Variants in NOBOX observed in about 807,000 individuals in gnomAD.
NOBOX encodes the protein homeobox protein NOBOX.
Under a neutral mutation model 60.2 loss-of-function variants are expected in NOBOX, and 46 were observed. That is an observed-to-expected ratio of 0.76 (90% CI 0.60 to 0.98). The LOEUF (loss-of-function observed/expected upper bound fraction) is 0.98, where lower values mean the gene tolerates loss of function less well. NOBOX is among the 50% of genes least tolerant of loss of function. NOBOX has a pLI of 0.00. For missense variants in NOBOX, 880 were observed against 865.5 expected, an observed-to-expected ratio of 1.02 and a Z score of -0.21; for synonymous variants, 360 against 346.3, an observed-to-expected ratio of 1.04 and a Z score of -0.44.
chr7:144,400,084 G>C, intron 5 of NOBOX, 122 bp downstream of exon 3: 1 of 1,603,552 alleles, frequency 6.2e-7, no homozygotes. Context: ...ACACAGCCAC[G>C]TCTGAGGCCT....
chr7:144,399,484 T>C lies in NOBOX; in HGVS notation c.1155-2A>G. ...GCAGGTAGGATCTCAGCTGCAGAGC[T>C]GGAGGCAGGAAGAATGAAGACTGTA... On this transcript the variant is annotated splice_acceptor_variant, in intron 6 of 9. Coordinates refer to ENST00000467773, the MANE Select transcript of NOBOX (RefSeq NM_001080413.3). LOFTEE classifies it high-confidence loss of function. 1 of 1,571,798 alleles carries C rather than the reference T, an allele frequency of 6.4e-7. No homozygotes were observed. Among genetic ancestry groups the C allele is most frequent in the Non-Finnish European group, 8.6e-7 (1 of 1,157,822 alleles).
At chr7:144,403,588 C>A in intron 2 of NOBOX, 69 bp downstream of exon 1, 1 of 532,024 alleles carries the variant, frequency 1.9e-6, no homozygotes, top group South Asian at 1.6e-5. Flanking sequence ...ACCTGGTGAT[C>A]ACAGGCCTCC....
In NOBOX at chr7:144,399,873, GA is replaced by G. The variant is rs1349611559; in HGVS notation, c.1048-11del. On this transcript the variant is annotated splice_polypyrimidine_tract_variant and intron_variant, in intron 5 of 9. Coordinates refer to ENST00000467773, the MANE Select transcript of NOBOX (RefSeq NM_001080413.3). ...GATTCTGGAACCACACCTATGGGGGGAAAGGTGCTTGAAGAACTGGAGAAGA... is the reference window on the plus strand; with the variant it reads ...GATTCTGGAACCACACCTATGGGGGGAAGGTGCTTGAAGAACTGGAGAAGA... The G allele has an allele frequency of 1.2e-6, 2 of 1,600,994 alleles. No individual in the cohort carries two copies. Among genetic ancestry groups the G allele is most frequent in the African/African-American group, 1.3e-5 (1 of 74,744 alleles).
rs1162897098 is a variant in NOBOX at position 144,401,915 on chromosome 7, G to A, written c.246C>T (p.Ser82=). ...CAGACACCAGGGGTATGAGTTTGAG[G>A]GACTGTTCAGGTATCTCTAAGGGAT... Residue 82 remains serine, a synonymous_variant, in exon 3 of 10, where the codon TCC becomes TCT. Transcript: ENST00000467773. The surrounding 1 kb of genome is among the most constrained non-coding windows in gnomAD (Gnocchi z 4.2). 3 of 1,612,828 alleles carry A rather than the reference G, an allele frequency of 1.9e-6. No individual in the cohort carries two copies. The highest frequency in any genetic ancestry group is 2.5e-6 in the Non-Finnish European group (3 of 1,178,946).
intron 2 of NOBOX, 64 bp from the exon 1 acceptor site, chr7:144,403,757 C>A (rs542487109): frequency 5.2e-5 from 34 of 657,534 alleles, no homozygotes; most frequent in South Asian, 5.0e-4. Context: ...GAAGCCTCGC[C>A]GGGCGGGCAG....
chr7:144,396,969 GAAAC>G (rs1396391058), downstream of NOBOX, among the ~76,000 whole-genome samples: 2 of 152,100 alleles, frequency 1.3e-5, no homozygotes, highest in Non-Finnish European at 2.9e-5. Context: ...GCAAGGATAG[GAAAC>G]AAACAAAAAC....
intron 1 of NOBOX, among the ~76,000 whole-genome samples, chr7:144,408,275 C>A (rs2053999300): frequency 6.6e-6 from 1 of 151,112 alleles, no homozygotes; most frequent in Non-Finnish European, 1.5e-5. Flanking sequence ...CTTACTCATC[C>A]TCCAAAACCC....
chr7:144,402,703 T>C (rs2053950402), intron 2 of NOBOX, among the ~76,000 whole-genome samples: 1 of 152,056 alleles, frequency 6.6e-6, no homozygotes, highest in African/African-American at 2.4e-5. Flanking sequence ...TAAGAGCTAC[T>C]GTTACTTTAA....
intron 1 of NOBOX, chr7:144,410,078 A>G (rs2054011231): frequency 9.5e-7 from 1 of 1,057,714 alleles, no homozygotes. Flanking sequence ...TGGGAAGACA[A>G]CTCTGTCTTC....
intron 1 of NOBOX, among the ~76,000 whole-genome samples, chr7:144,405,957 TAG>T (rs2053982468): frequency 6.6e-6 from 1 of 152,112 alleles, no homozygotes; most frequent in East Asian, 1.9e-4. Flanking sequence ...CAAGGGATGG[TAG>T]GGGCCTGTGT....
Position 144,404,714 on chromosome 7 carries a change from C to G in NOBOX, c.86-34G>C, listed in dbSNP as rs772114912. On this transcript the variant is annotated intron_variant, in intron 1 of 9. Transcript: ENST00000467773. The stretch of plus-strand genomic sequence containing the variant: ...GACGGTGTGGTTACTGTGTTTCCAT[C>G]CATTTGGTGTTTCGATTTTATTCTC... 5.0e-6 allele frequency: 8 copies of G among 1,606,308 alleles called. No homozygotes were observed. The South Asian group carries it at 8.9e-5, about 18-fold the overall frequency.
At chr7:144,397,100 G>C (rs935625594), downstream of NOBOX, 14 of 665,558 alleles carry the variant, frequency 2.1e-5, no homozygotes, top group African/African-American at 1.6e-4. Context: ...TCAACAAGAC[G>C]AGCCTACACA....
intron 2 of NOBOX, among the ~76,000 whole-genome samples, chr7:144,403,941 G>A (rs2053964395): frequency 6.6e-6 from 1 of 152,108 alleles, no homozygotes; most frequent in African/African-American, 2.4e-5. Flanking sequence ...CCCCCAGCCA[G>A]GAGCCCAGGC....
chr7:144,400,257 A>T lies in NOBOX; in HGVS notation c.900T>A (p.Asp300Glu). The change falls in exon 5 of 10, where the codon GAT (aspartate) becomes GAA (glutamate). Residue 300 changes from aspartate (D) to glutamate (E), a missense_variant. Coordinates refer to ENST00000467773, the MANE Select transcript of NOBOX (RefSeq NM_001080413.3). ...CCGTCTGGGCAATCTCTCGGCGTTT[A>T]TCACTGTCAGGATAGTGGTCTTCTT... 1 of 1,614,054 alleles carries T rather than the reference A, an allele frequency of 6.2e-7. No homozygotes were observed. The highest frequency in any genetic ancestry group is 8.5e-7 in the Non-Finnish European group (1 of 1,179,890).
At chr7:144,408,462 A>G (rs2054000774) in intron 1 of NOBOX, among the ~76,000 whole-genome samples, 1 of 152,194 alleles carries the variant, frequency 6.6e-6, no homozygotes. Context: ...CTTAGATGGT[A>G]ACATGCATCT....
At position 144,404,935 on chromosome 7, in the gene NOBOX, C is replaced by CTGGT. The variant is rs556360928; in HGVS notation, c.86-256_86-255insACCA. ...CAGGTGCTTGGAGCTGGGTGGGGAG[C>CTGGT]GGGGCGGCCTGGAACAGAATCCAGG... On this transcript the variant is annotated intron_variant, in intron 1 of 9. Transcript: ENST00000467773. 1.9e-3 allele frequency among the ~76,000 whole-genome samples: 292 copies of CTGGT among 151,496 alleles called. 2 individuals carry two copies. The highest frequency in any genetic ancestry group is 6.9e-3 in the African/African-American group (286 of 41,422).
intron 7 of NOBOX, 88 bp from the exon 6 acceptor site, chr7:144,399,266 C>T: frequency 3.2e-6 from 3 of 941,216 alleles, no homozygotes; most frequent in Non-Finnish European, 5.0e-6. Flanking sequence ...AAGCCATGCC[C>T]AGGTCCCCCT....
At chr7:144,402,964 C>A (rs1263723052) in intron 2 of NOBOX, among the ~76,000 whole-genome samples, 2 of 152,020 alleles carry the variant, frequency 1.3e-5, no homozygotes, top group African/African-American at 4.8e-5. Context: ...GCCATGTTGG[C>A]CAGGCTGGTC....
intron 2 of NOBOX, chr7:144,404,496 G>C (rs772247190): frequency 1.6e-5 from 24 of 1,455,326 alleles, no homozygotes; most frequent in Non-Finnish European, 2.3e-5. Flanking sequence ...TTATCTGCCC[G>C]CCTGGGCTTC....
Sources: allele counts gnomAD v4.1 joint callset (sites outside exome capture counted in the v4.1 genomes callset), GRCh38; gene constraint gnomAD v4.1.1; non-coding constraint Gnocchi (gnomAD v3.1); transcripts MANE v1.5; gene names NCBI Gene and HGNC (gene_info 2026-07-23, HGNC 2026-07-21).